RADIL: variants seen among roughly 807,000 people sequenced by gnomAD.
RADIL encodes the protein Rap associating with DIL domain.
Under a neutral mutation model 97.6 loss-of-function variants are expected in RADIL, and 99 were observed. That is an observed-to-expected ratio of 1.01 (90% CI 0.86 to 1.20). The LOEUF (loss-of-function observed/expected upper bound fraction) is 1.20, where lower values mean the gene tolerates loss of function less well. Among genes scored for constraint, RADIL ranks in the 50% most tolerant of loss-of-function variants. The pLI is 0.00. For missense variants in RADIL, 1,765 were observed against 1,498.9 expected, an observed-to-expected ratio of 1.18 and a Z score of -2.93; for synonymous variants, 803 against 691.8, an observed-to-expected ratio of 1.16 and a Z score of -2.52.
chr7:4,808,788 T>G (rs1292315878), intron 9 of RADIL: 1 of 944,542 alleles, frequency 1.1e-6, no homozygotes, highest in Non-Finnish European at 1.2e-6. Flanking sequence ...CTGCCCTCCA[T>G]TCCAACACCA....
rs557471136 is a variant in RADIL at position 4,867,032 on chromosome 7, C to T, written c.535+10573G>A. Among the ~76,000 whole-genome samples, 60 of 152,174 alleles carry T rather than the reference C, an allele frequency of 3.9e-4. 2 individuals are homozygous for T. The highest frequency in any genetic ancestry group is 1.2e-3 in the African/African-American group (50 of 41,442). ...TTTGACCTTTTCTGCCATGTGATGA[C>T]GCAGCACAGAAGCCCTCACCAGAAG... On this transcript the variant is annotated intron_variant, in intron 2 of 14. Coordinates refer to ENST00000399583, the MANE Select transcript of RADIL (RefSeq NM_018059.5). This position sits in a 1 kb window ranked among gnomAD's most constrained non-coding sequence, Gnocchi z 4.1.
At chr7:4,807,690 CAT>C (rs1433915664) in intron 9 of RADIL, among the ~76,000 whole-genome samples, 1 of 74,914 alleles carries the variant, frequency 1.3e-5, no homozygotes, top group Non-Finnish European at 2.7e-5. Flanking sequence ...TCCTTCTCTC[CAT>C]CTCTCTCCCC....
At position 4,837,244 on chromosome 7, in the gene RADIL, G is replaced by A. The variant is rs900749677; in HGVS notation, c.536-639C>T. Among the ~76,000 whole-genome samples, 1 of 152,136 alleles carries A rather than the reference G, an allele frequency of 6.6e-6. No homozygotes were observed. The highest frequency in any genetic ancestry group is 2.1e-4 in the South Asian group (1 of 4,830). ...GGCCTGCCCGACCAGCCAGCACCACGGCCCACAGGCCTCAAACCACAGACG... is the reference window on the plus strand; with the variant it reads ...GGCCTGCCCGACCAGCCAGCACCACAGCCCACAGGCCTCAAACCACAGACG... On this transcript the variant is annotated intron_variant, in intron 2 of 14. Coordinates refer to ENST00000399583, the MANE Select transcript of RADIL (RefSeq NM_018059.5). The surrounding 1 kb of genome is among the most constrained non-coding windows in gnomAD (Gnocchi z 5.6).
rs527901459 is a variant in RADIL at position 4,880,313 on chromosome 7, C to T, written c.-64-2110G>A. Reference sequence around the variant, plus strand: ...TCAGAGCCGGCCGCAGCTTCCCCCACGGACTCATCAAAGGCCTCGGTTTCA... The same window carrying T: ...TCAGAGCCGGCCGCAGCTTCCCCCATGGACTCATCAAAGGCCTCGGTTTCA... On this transcript the variant is annotated intron_variant, in intron 1 of 14. Transcript: ENST00000399583. This position sits in a 1 kb window ranked among gnomAD's most constrained non-coding sequence, Gnocchi z 4.5. Among the ~76,000 whole-genome samples the T allele has an allele frequency of 1.4e-4, 21 of 152,310 alleles. No homozygotes were observed. The highest frequency in any genetic ancestry group is 1.2e-3 in the South Asian group (6 of 4,826).
rs865931437 is a variant in RADIL, at chr7:4,802,508, T to C, written c.2500-513A>G. 1.5e-3 allele frequency among the ~76,000 whole-genome samples: 172 copies of C among 116,350 alleles called. 13 individuals are homozygous for C. The highest frequency in any genetic ancestry group is 6.0e-3 in the African/African-American group (152 of 25,216). The allele number at this position is 116,350 out of a possible 152,430, so 76.3% of individuals were successfully genotyped here. On this transcript the variant is annotated intron_variant, in intron 11 of 14. Transcript: ENST00000399583. ...CCCCCTCCCCAGGTACCTCGGGGCA[T>C]GCTGGATGGACCCCCTCTCTGGGCA...
rs1290213413 is a variant in RADIL, at chr7:4,835,983, C to A, written c.783+375G>T. On this transcript the variant is annotated intron_variant, in intron 3 of 14. Transcript: ENST00000399583. The surrounding 1 kb of genome is among the most constrained non-coding windows in gnomAD (Gnocchi z 5.8). Reference sequence around the variant, plus strand: ...TGGCCACCAATTGGTGACTCAGCAGCCCCCTCGCCAGAAGCAGGAAGCAGA... The same window carrying A: ...TGGCCACCAATTGGTGACTCAGCAGACCCCTCGCCAGAAGCAGGAAGCAGA... Among the ~76,000 whole-genome samples, 5 of 152,212 alleles carry A rather than the reference C, an allele frequency of 3.3e-5. No homozygotes were observed. The highest frequency in any genetic ancestry group is 5.9e-5 in the Non-Finnish European group (4 of 68,024).
At position 4,854,580 on chromosome 7, in the gene RADIL, G is replaced by C. The variant is rs1302226949; in HGVS notation, c.536-17975C>G. ...ATGTTGGCGGGCGCCTGTAATCCCA[G>C]CTACTCGGAAGACTGAGACAGGAGA... is the stretch of plus-strand genomic sequence containing the variant. On this transcript the variant is annotated intron_variant, in intron 2 of 14. Transcript: ENST00000399583. The surrounding 1 kb of genome is among the most constrained non-coding windows in gnomAD (Gnocchi z 5.1). Among the ~76,000 whole-genome samples the C allele has an allele frequency of 1.3e-5, 2 of 152,128 alleles. No homozygotes were observed. The highest frequency in any genetic ancestry group is 2.9e-5 in the Non-Finnish European group (2 of 68,030).
chr7:4,801,484 C>A (rs1782082154), intron 12 of RADIL, among the ~76,000 whole-genome samples, 169 bp downstream of exon 12: 1 of 152,196 alleles, frequency 6.6e-6, no homozygotes, highest in Non-Finnish European at 1.5e-5. Flanking sequence ...CTGCTGGGGG[C>A]TGAGCAGCCC....
At chr7:4,800,450 C>T in intron 12 of RADIL, 140 bp from the exon 13 acceptor site, 1 of 954,710 alleles carries the variant, frequency 1.0e-6, no homozygotes, top group South Asian at 2.0e-5. Flanking sequence ...GCTGTTCAGG[C>T]AGAATGTGAC....
rs1278509885 is a variant in RADIL, at chr7:4,842,463, C to T, written c.536-5858G>A. Among the ~76,000 whole-genome samples, 1 of 152,164 alleles carries T rather than the reference C, an allele frequency of 6.6e-6. No individual in the cohort carries two copies. The highest frequency in any genetic ancestry group is 1.5e-5 in the Non-Finnish European group (1 of 68,028). ...GTCTAGGCCACCCCCCTCCCCTCCT[C>T]GAGAAGGCAGTGCCTAGTGACCCGC... On this transcript the variant is annotated intron_variant, in intron 2 of 14. Transcript: ENST00000399583. This position sits in a 1 kb window ranked among gnomAD's most constrained non-coding sequence, Gnocchi z 4.5.
intron 11 of RADIL, among the ~76,000 whole-genome samples, chr7:4,802,572 TCGGGG>T (rs2115156519): frequency 7.9e-6 from 1 of 126,348 alleles, no homozygotes; most frequent in Non-Finnish European, 1.7e-5. Context: ...CCCGGGCACC[TCGGGG>T]CACTCTAGCT....
intron 2 of RADIL, among the ~76,000 whole-genome samples, chr7:4,868,607 C>T (rs1265083773): frequency 3.9e-5 from 6 of 152,210 alleles, no homozygotes; most frequent in Non-Finnish European, 8.8e-5. Flanking sequence ...GCCAGCTTCA[C>T]GTTTTCTAGT....
chr7:4,874,580 C>T (rs980120029), intron 2 of RADIL, among the ~76,000 whole-genome samples: 1 of 152,216 alleles, frequency 6.6e-6, no homozygotes, highest in Non-Finnish European at 1.5e-5. Context: ...TGCCCGAGGC[C>T]CAGGGGGCCA....
At chr7:4,841,441 C>G (rs143133308) in intron 2 of RADIL, among the ~76,000 whole-genome samples, 443 of 152,364 alleles carry the variant, frequency 2.9e-3, no homozygotes, top group African/African-American at 9.9e-3. Flanking sequence ...TTACAGGGAG[C>G]AAAGTGACAC....
chr7:4,834,481 C>T lies in RADIL; in HGVS notation c.1416+126G>A, dbSNP rs1277804229. On this transcript the variant is annotated intron_variant, in intron 4 of 14. Coordinates refer to ENST00000399583, the MANE Select transcript of RADIL (RefSeq NM_018059.5). The surrounding 1 kb of genome is among the most constrained non-coding windows in gnomAD (Gnocchi z 6.0). ...CGACAGGCAGGGAAAGGCCGCCCTGCGCTCAGCAGCACAGCACCGTGGGGG... is the reference window on the plus strand; with the variant it reads ...CGACAGGCAGGGAAAGGCCGCCCTGTGCTCAGCAGCACAGCACCGTGGGGG... 9 of 1,117,516 alleles carry T rather than the reference C, an allele frequency of 8.1e-6. No individual in the cohort carries two copies. The highest frequency in any genetic ancestry group is 7.9e-6 in the Non-Finnish European group (7 of 883,920). The allele number at this position is 1,117,516 out of a possible 1,614,324, so 69.2% of individuals were successfully genotyped here.
intron 2 of RADIL, chr7:4,861,245 C>G: frequency 6.2e-7 from 1 of 1,614,098 alleles, no homozygotes; most frequent in South Asian, 1.1e-5. Flanking sequence ...TTTAAGTAGA[C>G]TGTCATCTCT....
At position 4,821,242 on chromosome 7, in the gene RADIL, T is replaced by C. The variant is rs78074727; in HGVS notation, c.1615+1152A>G. ...ACGGCCACTCAGGACCCTCTGGCAC[T>C]GTGCCCGCCTGACAGCCCACCCCAC... On this transcript the variant is annotated intron_variant, in intron 6 of 14. Transcript: ENST00000399583. The surrounding 1 kb of genome is among the most constrained non-coding windows in gnomAD (Gnocchi z 5.2). Among the ~76,000 whole-genome samples, 2,411 of 152,264 alleles carry C rather than the reference T, an allele frequency of 0.016. 31 individuals are homozygous for C. The highest frequency in any genetic ancestry group is 0.037 in the Middle Eastern group (11 of 294).
At chr7:4,805,009 G>T (rs1051051713) in intron 10 of RADIL, among the ~76,000 whole-genome samples, 1 of 152,124 alleles carries the variant, frequency 6.6e-6, no homozygotes, top group South Asian at 2.1e-4. Context: ...TAGGAGAATC[G>T]CTTGAACCTG....
intron 9 of RADIL, chr7:4,809,545 G>T (rs963778877): frequency 1.0e-6 from 1 of 985,324 alleles, no homozygotes; most frequent in Non-Finnish European, 1.2e-6. Flanking sequence ...GGAGCCCCCA[G>T]GCCCGCCCAG....
Sources: gnomAD v4.1 joint callset for allele counts (sites outside exome capture counted in the v4.1 genomes callset) on GRCh38, gnomAD v4.1.1 for gene constraint, Gnocchi (gnomAD v3.1) non-coding constraint, MANE v1.5 for transcripts, NCBI Gene and HGNC (gene_info 2026-07-23, HGNC 2026-07-21) for gene names.